SLC35F4: variants seen among roughly 807,000 people sequenced by gnomAD.
The protein encoded by SLC35F4 is solute carrier family 35 member F4.
A neutral mutation model predicts 44.2 loss-of-function variants in SLC35F4; 24 were observed. That is an observed-to-expected ratio of 0.54 (90% CI 0.39 to 0.76). The LOEUF is 0.76. Ranked by LOEUF, SLC35F4 falls within the 30% of genes least tolerant of loss-of-function variation. The probability of loss-of-function intolerance (pLI) is 0.00; values close to 1 mark genes in which losing one functional copy is unlikely to be tolerated. For synonymous variants in SLC35F4, 238 were observed against 223.6 expected (o/e 1.06, Z -0.57); for missense variants, 562 against 586.1 (o/e 0.96, Z 0.42).
intron 1 of SLC35F4, among the ~76,000 whole-genome samples, chr14:57,964,974 G>GA (rs72495990): frequency 2.0e-3 from 233 of 119,004 alleles, no homozygotes; most frequent in Non-Finnish European, 3.2e-3. Context: ...TCCCATGGGG[G>GA]AAAAAAAAAA....
intron 5 of SLC35F4, among the ~76,000 whole-genome samples, chr14:57,570,591 C>T (rs900157905): frequency 6.6e-6 from 1 of 152,168 alleles, no homozygotes; most frequent in African/African-American, 2.4e-5. Flanking sequence ...AATCACACAA[C>T]AGATTACAGA....
At position 57,571,894 on chromosome 14, in the gene SLC35F4, C is replaced by T; in HGVS notation, c.933G>A (p.Lys311=). The part of the protein sequence containing the change: ...VGSASTSALY[K]VLFKMFLGSA... ...TTACAAAAGAAAGTGCACAACATAC[C>T]TTATATAATGCAGATGTAGAGGCTG... Residue 311 remains lysine (K), a splice_region_variant and synonymous_variant, in exon 5 of 8, where the codon AAG becomes AAA. Transcript: ENST00000556826. 6.2e-7 allele frequency: 1 copy of T among 1,611,592 alleles called. No individual in the cohort carries two copies. The highest frequency in any genetic ancestry group is 2.2e-5 in the East Asian group (1 of 44,780).
chr14:57,774,372 T>A (rs558579333), intron 1 of SLC35F4, among the ~76,000 whole-genome samples: 1 of 152,250 alleles, frequency 6.6e-6, no homozygotes, highest in South Asian at 2.1e-4. Context: ...CCATGGACAC[T>A]TGTGTTGGCA....
chr14:57,575,072 TCTG>T (rs2068712247), intron 4 of SLC35F4, among the ~76,000 whole-genome samples: 1 of 152,160 alleles, frequency 6.6e-6, no homozygotes, highest in Non-Finnish European at 1.5e-5. Context: ...GAGGAATTCT[TCTG>T]CTGAAAATAC....
intron 1 of SLC35F4, among the ~76,000 whole-genome samples, chr14:57,840,656 T>A (rs1885395593): frequency 6.6e-6 from 1 of 152,206 alleles, no homozygotes; most frequent in Non-Finnish European, 1.5e-5. Context: ...GACCACCTCA[T>A]TATTAATTTC....
rs151098533 is a variant in SLC35F4 at position 57,853,950 on chromosome 14, C to A, written c.103+11773G>T. Among the ~76,000 whole-genome samples, 549 of 152,242 alleles carry A rather than the reference C, an allele frequency of 3.6e-3. 2 individuals are homozygous for A. Among genetic ancestry groups the A allele is most frequent in the African/African-American group, 0.012 (499 of 41,530 alleles). On this transcript the variant is annotated intron_variant, in intron 1 of 7. Transcript: ENST00000556826. ...TCTTGTGACTAGAAACCAAACAAAC[C>A]ATCACTAATACTCCACATCTTTCCA... is the stretch of plus-strand genomic sequence containing the variant.
chr14:57,679,546 G>A (rs2074819605), intron 1 of SLC35F4, among the ~76,000 whole-genome samples: 1 of 151,888 alleles, frequency 6.6e-6, no homozygotes, highest in African/African-American at 2.4e-5. Context: ...GAAGGAGAGA[G>A]CGACACAAAA....
intron 1 of SLC35F4, among the ~76,000 whole-genome samples, chr14:57,939,636 C>T (rs1269451676): frequency 1.3e-5 from 2 of 152,150 alleles, no homozygotes; most frequent in African/African-American, 4.8e-5. Flanking sequence ...CATTTCTATC[C>T]AATAGCGACT....
At position 57,875,775 on chromosome 14, in the gene SLC35F4, G is replaced by T. The variant is rs547551915; in HGVS notation, n.282+106138C>A. 5.3e-5 allele frequency among the ~76,000 whole-genome samples: 8 copies of T among 152,316 alleles called. No individual in the cohort carries two copies. In the South Asian group the frequency reaches 1.7e-3, roughly 32 times the overall value. The stretch of plus-strand genomic sequence containing the variant: ...GTTGCAGGTTAACTCAGATTGATTA[G>T]GTGGAGAAATGGATTCTGCCTCGTG... On this transcript the variant is annotated intron_variant and non_coding_transcript_variant, in intron 1 of 1. Coordinates refer to the SLC35F4 transcript ENST00000556568.
chr14:57,762,417 T>C (rs2077145795), intron 1 of SLC35F4, among the ~76,000 whole-genome samples: 1 of 152,332 alleles, frequency 6.6e-6, no homozygotes, highest in South Asian at 2.1e-4. Context: ...CAGGCTGATT[T>C]TTCTAGGGAA....
intron 1 of SLC35F4, among the ~76,000 whole-genome samples, chr14:57,925,871 G>A (rs1248305557): frequency 2.0e-5 from 3 of 151,950 alleles, no homozygotes; most frequent in South Asian, 2.1e-4. Flanking sequence ...CTTCTTCCTC[G>A]TGTATCTCAG....
At chr14:57,912,798 TG>T (rs1889242374) in intron 1 of SLC35F4, among the ~76,000 whole-genome samples, 1 of 152,050 alleles carries the variant, frequency 6.6e-6, no homozygotes, top group African/African-American at 2.4e-5. Context: ...CTGATGGTGC[TG>T]ATGATTTCAA....
At chr14:57,640,413 C>T (rs535007588) in intron 1 of SLC35F4, among the ~76,000 whole-genome samples, 1 of 152,182 alleles carries the variant, frequency 6.6e-6, no homozygotes, top group Non-Finnish European at 1.5e-5. Context: ...CAAGAGAACA[C>T]ATGAGGCTTG....
At chr14:57,616,297 A>G (rs2071819617) in intron 1 of SLC35F4, among the ~76,000 whole-genome samples, 1 of 152,226 alleles carries the variant, frequency 6.6e-6, no homozygotes, top group African/African-American at 2.4e-5. Flanking sequence ...CGTGGTAGTA[A>G]GGGTATAATT....
In SLC35F4 at chr14:57,930,231, T is replaced by C. The variant is rs943682444; in HGVS notation, n.282+51682A>G. On this transcript the variant is annotated intron_variant and non_coding_transcript_variant, in intron 1 of 1. Coordinates refer to the SLC35F4 transcript ENST00000556568. ...TTGCCTTCTTGTTCACAAGAGATCA[T>C]TGAGCAAGAAGGAACTGCATCAGTT... Among the ~76,000 whole-genome samples, 5 of 152,212 alleles carry C rather than the reference T, an allele frequency of 3.3e-5. No individual in the cohort carries two copies. In the East Asian group the frequency reaches 9.6e-4, roughly 29 times the overall value.
intron 1 of SLC35F4, among the ~76,000 whole-genome samples, chr14:57,892,493 T>C (rs1328415166): frequency 6.6e-6 from 1 of 152,162 alleles, no homozygotes; most frequent in African/African-American, 2.4e-5. Flanking sequence ...AAGATGTGCC[T>C]AAAATAATGC....
intron 6 of SLC35F4, among the ~76,000 whole-genome samples, chr14:57,568,252 A>G (rs546844218): frequency 6.5e-4 from 98 of 151,576 alleles, no homozygotes; most frequent in African/African-American, 2.3e-3. Flanking sequence ...GTGTTCAGCT[A>G]GCACAGGTGG....
rs1201690433 is a variant in SLC35F4 at position 57,675,031 on chromosome 14, CTG to C, written c.104-80909_104-80908del. On this transcript the variant is annotated intron_variant, in intron 1 of 7. Transcript: ENST00000556826. ...AGAAATGTGAGCAATCCATGGAGAA[CTG>C]TATCCCAACACTGTATAATTCCACT... Among the ~76,000 whole-genome samples the C allele has an allele frequency of 9.2e-5, 14 of 152,070 alleles. 1 individual carries two copies.
chr14:57,844,799 T>A (rs1885849398), intron 1 of SLC35F4, among the ~76,000 whole-genome samples: 1 of 152,122 alleles, frequency 6.6e-6, no homozygotes. Context: ...GGCATCCCCT[T>A]GTCCTGACTC....
Sources: gnomAD v4.1 joint callset for allele counts (sites outside exome capture counted in the v4.1 genomes callset) on GRCh38, gnomAD v4.1.1 for gene constraint, MANE v1.5 for transcripts, NCBI Gene and HGNC (gene_info 2026-07-23, HGNC 2026-07-21) for gene names.